AGT: variants seen among roughly 807,000 people sequenced by gnomAD.
The protein encoded by AGT is alpha-1 antiproteinase, antitrypsin.
In AGT, 26 loss-of-function variants were observed where a neutral mutation model predicts 28.1. The ratio of observed to expected loss-of-function variants is 0.92; its 90% CI spans 0.68 to 1.28. The LOEUF is 1.28. Among genes scored for constraint, AGT ranks in the 50% most tolerant of loss-of-function variants. AGT has a pLI of 0.00. For synonymous variants in AGT, 259 were observed against 259.6 expected (o/e 1.00, Z 0.02); for missense variants, 596 against 592.3 (o/e 1.01, Z -0.06).
intron 1 of AGT, among the ~76,000 whole-genome samples, chr1:230,743,380 T>C (rs979510876): frequency 1.3e-5 from 2 of 152,192 alleles, no homozygotes; most frequent in African/African-American, 4.8e-5. Context: ...TTTGCTCAAG[T>C]CTGAAGGCAG....
At chr1:230,706,972 T>C (rs969586282) in intron 2 of AGT, among the ~76,000 whole-genome samples, 2 of 152,070 alleles carry the variant, frequency 1.3e-5, no homozygotes, top group Non-Finnish European at 2.9e-5. Flanking sequence ...ATCACAGTCA[T>C]AGAATACAGA....
intron 1 of AGT, among the ~76,000 whole-genome samples, chr1:230,742,671 CAG>C (rs1208401372): frequency 1.3e-5 from 2 of 152,164 alleles, no homozygotes; most frequent in African/African-American, 2.4e-5. Context: ...TCAGTGTATG[CAG>C]AGTTTCCTTG....
At chr1:230,735,488 AGTAG>A (rs1664139623) in intron 1 of AGT, among the ~76,000 whole-genome samples, 1 of 152,184 alleles carries the variant, frequency 6.6e-6, no homozygotes, top group East Asian at 1.9e-4. Flanking sequence ...TCAATACAGA[AGTAG>A]GTAAAGTGGC....
At chr1:230,731,520 C>T (rs993216227) in intron 1 of AGT, among the ~76,000 whole-genome samples, 18 of 152,210 alleles carry the variant, frequency 1.2e-4, no homozygotes, top group African/African-American at 3.6e-4. Context: ...TTGGACCATG[C>T]ACCTCCTTGT....
chr1:230,737,597 C>T (rs930019637), intron 1 of AGT, among the ~76,000 whole-genome samples: 3 of 152,158 alleles, frequency 2.0e-5, no homozygotes, highest in Non-Finnish European at 4.4e-5. Flanking sequence ...CAGGCTTGAG[C>T]CACTGCGCCC....
chr1:230,734,705 G>GT (rs1664124110), intron 1 of AGT, among the ~76,000 whole-genome samples: 1 of 151,388 alleles, frequency 6.6e-6, no homozygotes, highest in Non-Finnish European at 1.5e-5. Context: ...TAACTGGCTG[G>GT]TTTTTTTGTT....
At chr1:230,716,474 T>C (rs1290821832), upstream of AGT, among the ~76,000 whole-genome samples, 1 of 152,238 alleles carries the variant, frequency 6.6e-6, no homozygotes, top group East Asian at 1.9e-4. Context: ...GGTTTGGCTG[T>C]GTCCCCACCC....
At chr1:230,726,027 G>C (rs1663935129) in intron 1 of AGT, among the ~76,000 whole-genome samples, 1 of 152,122 alleles carries the variant, frequency 6.6e-6, no homozygotes, top group Admixed American at 6.5e-5. Context: ...ACAATGTCTG[G>C]GGCTGGTATT....
At chr1:230,720,519 G>A (rs942741097) in intron 1 of AGT, among the ~76,000 whole-genome samples, 13 of 152,134 alleles carry the variant, frequency 8.5e-5, no homozygotes, top group African/African-American at 2.9e-4. Flanking sequence ...GCGGGTCCCC[G>A]GTGAAATCCC....
At chr1:230,715,793 A>C (rs1028636158), upstream of AGT, among the ~76,000 whole-genome samples, 1 of 152,130 alleles carries the variant, frequency 6.6e-6, no homozygotes, top group African/African-American at 2.4e-5. Context: ...TCATTCACTC[A>C]CTATTCCTGG....
intron 2 of AGT, among the ~76,000 whole-genome samples, chr1:230,706,624 G>A (rs1374413861): frequency 2.0e-5 from 3 of 152,156 alleles, no homozygotes; most frequent in Non-Finnish European, 4.4e-5. Flanking sequence ...TAGGTTCACA[G>A]CAAAATCGAG....
rs1663327535 is a variant in AGT, at chr1:230,704,459, C to A, written c.1098-122G>T. ...CGACAGGGATGTTTGCTCCCCCCATCACCCAACTAAGTCATCCTCCCCCTT... is the reference window on the plus strand; with the variant it reads ...CGACAGGGATGTTTGCTCCCCCCATAACCCAACTAAGTCATCCTCCCCCTT... On this transcript the variant is annotated intron_variant, in intron 3 of 4. Coordinates refer to ENST00000366667, the MANE Select transcript of AGT (RefSeq NM_001384479.1). 3.1e-6 allele frequency: 4 copies of A among 1,309,580 alleles called. No individual in the cohort carries two copies. The African/African-American group carries it at 5.9e-5, about 19-fold the overall frequency. The allele number at this position is 1,309,580 out of a possible 1,614,324, so 81.1% of individuals were successfully genotyped here.
At chr1:230,731,970 G>T (rs115963555) in intron 1 of AGT, among the ~76,000 whole-genome samples, 2 of 151,906 alleles carry the variant, frequency 1.3e-5, no homozygotes, top group Non-Finnish European at 2.9e-5. Flanking sequence ...TTTGTGCAGC[G>T]GCTCCTCATC....
intron 1 of AGT, among the ~76,000 whole-genome samples, chr1:230,726,126 A>G (rs1246598199): frequency 1.3e-5 from 2 of 152,220 alleles, no homozygotes; most frequent in Non-Finnish European, 2.9e-5. Context: ...CCAACTTTGA[A>G]TGGATCCCTG....
chr1:230,745,012 G>A (rs990725781), intron 1 of AGT, among the ~76,000 whole-genome samples: 11 of 152,180 alleles, frequency 7.2e-5, no homozygotes, highest in Admixed American at 1.3e-4. Context: ...AAACAGAGCC[G>A]TCTGCCAGGG....
At chr1:230,731,197 T>C (rs998410750) in intron 1 of AGT, among the ~76,000 whole-genome samples, 1 of 152,232 alleles carries the variant, frequency 6.6e-6, no homozygotes, top group Non-Finnish European at 1.5e-5. Flanking sequence ...GTCTTTATTC[T>C]GGCTCGAGTA....
At position 230,705,916 on chromosome 1, in the gene AGT, G is replaced by T; in HGVS notation, c.1097+17C>A. 6.2e-7 allele frequency: 1 copy of T among 1,613,736 alleles called. No homozygotes were observed. The highest frequency in any genetic ancestry group is 1.1e-5 in the South Asian group (1 of 90,908). On this transcript the variant is annotated intron_variant, in intron 3 of 4. Transcript: ENST00000366667. ...AGTGTGGCTCCCACATTCCAGGGGA[G>T]ACCGGGAGGCTCCTACCGGGGAGAT...
chr1:230,744,350 C>T (rs569230761), intron 1 of AGT, among the ~76,000 whole-genome samples: 59 of 152,340 alleles, frequency 3.9e-4, no homozygotes, highest in African/African-American at 1.3e-3. Context: ...TGCTCCTGCC[C>T]TGCACTGGGC....
chr1:230,727,716 T>A (rs1663970544), intron 1 of AGT, among the ~76,000 whole-genome samples: 2 of 152,214 alleles, frequency 1.3e-5, no homozygotes, highest in African/African-American at 4.8e-5. Context: ...ATAATTCTCA[T>A]CTTTTATGAG....
Sources: gnomAD v4.1 joint callset for allele counts (sites outside exome capture counted in the v4.1 genomes callset) on GRCh38, gnomAD v4.1.1 for gene constraint, MANE v1.5 for transcripts, NCBI Gene and HGNC (gene_info 2026-07-23, HGNC 2026-07-21) for gene names.